Variants in AMMECR1L observed in about 807,000 individuals in gnomAD.
The protein encoded by AMMECR1L is AMMECR1-like protein.
Under a neutral mutation model 36.8 loss-of-function variants are expected in AMMECR1L, and 4 were observed. The observed-to-expected ratio is 0.11, with a 90% CI of 0.05 to 0.25. The LOEUF (loss-of-function observed/expected upper bound fraction) is 0.25. Among genes scored for constraint, AMMECR1L ranks in the 10% least tolerant of loss-of-function variants. AMMECR1L has a pLI of 1.00. For missense variants in AMMECR1L, 232 were observed against 392.1 expected (o/e 0.59, Z 3.45); for synonymous variants, 147 against 148.0 (o/e 0.99, Z 0.05).
chr2:127,877,774 G>T (rs1691317061), intron 2 of AMMECR1L, among the ~76,000 whole-genome samples: 1 of 152,150 alleles, frequency 6.6e-6, no homozygotes, highest in Non-Finnish European at 1.5e-5. Flanking sequence ...AATAAATTCT[G>T]GGCTGGGAGT....
In AMMECR1L at chr2:127,871,225, G is replaced by A. The variant is rs570202556; in HGVS notation, c.518+24C>T. ...TCTGATTCTAGCCAATTTATCTACAGTTCTTAATGTCTGGTGTCATTACCT... is the reference window on the plus strand; with the variant it reads ...TCTGATTCTAGCCAATTTATCTACAATTCTTAATGTCTGGTGTCATTACCT... On this transcript the variant is annotated intron_variant, in intron 4 of 7. Transcript: ENST00000272647. This position sits in a 1 kb window ranked among gnomAD's most constrained non-coding sequence, Gnocchi z 4.3. 6.2e-7 allele frequency: 1 copy of A among 1,606,414 alleles called. No individual in the cohort carries two copies. Among genetic ancestry groups the A allele is most frequent in the South Asian group, 1.1e-5 (1 of 90,934 alleles).
Position 127,861,949 on chromosome 2 carries a change from T to C in AMMECR1L, c.*3145A>G, listed in dbSNP as rs1690485887. On this transcript the variant is annotated 3_prime_UTR_variant, in exon 8 of 8. Coordinates refer to ENST00000272647, the MANE Select transcript of AMMECR1L (RefSeq NM_001199140.2). ...GGACTTCTTTTGTATAGATGATTTT[T>C]ATTATAAACAATAAAATATATGTAA... The C allele has an allele frequency of 6.5e-6, 1 of 152,680 alleles. No individual in the cohort carries two copies. 9.5% of individuals were successfully genotyped at this position (152,680 alleles called of 1,614,324 possible).
At chr2:127,875,155 A>ATT (rs34145290) in intron 2 of AMMECR1L, among the ~76,000 whole-genome samples, 11 of 150,470 alleles carry the variant, frequency 7.3e-5, no homozygotes, top group South Asian at 2.1e-4. Context: ...GAAGGAAGGG[A>ATT]TTTTTTTTTT....
chr2:127,872,605 G>T (rs1691035057), intron 3 of AMMECR1L, among the ~76,000 whole-genome samples: 1 of 152,086 alleles, frequency 6.6e-6, no homozygotes. Flanking sequence ...GTCCCATCTA[G>T]CCATCTTTTC....
chr2:127,873,584 T>G lies in AMMECR1L; in HGVS notation c.407+244A>C, dbSNP rs936876172. On this transcript the variant is annotated intron_variant, in intron 3 of 7. Transcript: ENST00000272647. This position sits in a 1 kb window ranked among gnomAD's most constrained non-coding sequence, Gnocchi z 5.2. ...ACAGAAGAGCCAAGAATGAACTCAC[T>G]TGATTTCCAGAACATTACTTTAACA... The G allele has an allele frequency of 5.1e-6, 5 of 985,456 alleles. No homozygotes were observed. Among genetic ancestry groups the G allele is most frequent in the Non-Finnish European group, 6.0e-6 (5 of 829,940 alleles). The allele number at this position is 985,456 out of a possible 1,614,324, so 61.0% of individuals were successfully genotyped here. A position where few individuals can be genotyped will look rare whatever the true frequency, so the allele number is the denominator to read the frequency against.
At chr2:127,885,313 G>A in intron 1 of AMMECR1L, 1 of 980,864 alleles carries the variant, frequency 1.0e-6, no homozygotes, top group Non-Finnish European at 1.2e-6. Flanking sequence ...TATGAGGAAA[G>A]AGGGTCCGGG....
rs922866989 is a variant in AMMECR1L at position 127,862,259 on chromosome 2, C to G, written c.*2835G>C. 6 of 153,732 alleles carry G rather than the reference C, an allele frequency of 3.9e-5. No individual in the cohort carries two copies. Among genetic ancestry groups the G allele is most frequent in the Non-Finnish European group, 8.8e-5 (6 of 68,038 alleles). 9.5% of individuals were successfully genotyped at this position (153,732 alleles called of 1,614,324 possible). A position where few individuals can be genotyped will look rare whatever the true frequency, so the allele number is the denominator to read the frequency against. On this transcript the variant is annotated 3_prime_UTR_variant, in exon 8 of 8. Coordinates refer to ENST00000272647, the MANE Select transcript of AMMECR1L (RefSeq NM_001199140.2). ...ACCAAGCCAGAGAAATTGGGCTGGT[C>G]CTTGAAAACAGTGGTTACCTACTGT... is the stretch of plus-strand genomic sequence containing the variant.
rs769193312 is a variant in AMMECR1L, at chr2:127,871,788, C to T, written c.408-429G>A. Among the ~76,000 whole-genome samples the T allele has an allele frequency of 6.6e-6, 1 of 152,178 alleles. No individual in the cohort carries two copies. The highest frequency in any genetic ancestry group is 1.5e-5 in the Non-Finnish European group (1 of 68,034). ...GCACAGCCCCGTTCATCTGCAAACC[C>T]ATGTTGCTTCCATGATCATGTCTGC... On this transcript the variant is annotated intron_variant, in intron 3 of 7. Coordinates refer to ENST00000272647, the MANE Select transcript of AMMECR1L (RefSeq NM_001199140.2). The surrounding 1 kb of genome is among the most constrained non-coding windows in gnomAD (Gnocchi z 4.3).
chr2:127,881,019 T>C (rs539411062), intron 2 of AMMECR1L, among the ~76,000 whole-genome samples: 1 of 152,182 alleles, frequency 6.6e-6, no homozygotes. Flanking sequence ...AGGTCAACTA[T>C]CACCTAAATT....
In AMMECR1L at chr2:127,865,847, G is replaced by T. The variant is rs980657262; in HGVS notation, c.822-642C>A. 6.6e-6 allele frequency among the ~76,000 whole-genome samples: 1 copy of T among 152,210 alleles called. No individual in the cohort carries two copies. The highest frequency in any genetic ancestry group is 1.5e-5 in the Non-Finnish European group (1 of 68,036). On this transcript the variant is annotated intron_variant, in intron 7 of 7. Transcript: ENST00000272647. The surrounding 1 kb of genome is among the most constrained non-coding windows in gnomAD (Gnocchi z 5.4). ...CATGAGTCAGGATGCGAAGCATGGG[G>T]TGTTACAAACCTATGGAGCCTACTA...
chr2:127,877,288 A>G (rs1371471937), intron 2 of AMMECR1L, among the ~76,000 whole-genome samples: 1 of 150,862 alleles, frequency 6.6e-6, no homozygotes, highest in Non-Finnish European at 1.5e-5. Flanking sequence ...TGCTACCATC[A>G]TTTTACATTT....
intron 2 of AMMECR1L, among the ~76,000 whole-genome samples, chr2:127,882,168 C>CT (rs1340460672): frequency 6.6e-6 from 1 of 152,146 alleles, no homozygotes; most frequent in East Asian, 1.9e-4. Flanking sequence ...GGGGAAAAAT[C>CT]TAGATTCACC....
intron 6 of AMMECR1L, among the ~76,000 whole-genome samples, chr2:127,868,976 G>C (rs1277572819): frequency 6.6e-6 from 1 of 152,084 alleles, no homozygotes; most frequent in Non-Finnish European, 1.5e-5. Flanking sequence ...GCCCACCTTG[G>C]CCTCCCAAAA....
intron 3 of AMMECR1L, among the ~76,000 whole-genome samples, chr2:127,872,192 GA>G (rs369158538): frequency 0.031 from 2,597 of 84,690 alleles, 59 homozygotes; most frequent in African/African-American, 0.09. Flanking sequence ...GTCTCAAAAA[GA>G]AAAAAAAAAA....
rs565651686 is a variant in AMMECR1L at position 127,865,228 on chromosome 2, G to A, written c.822-23C>T. ...TACCTGTATGAGGAAACAGGAAAGG[G>A]TATTAGGAACCCCAAACGCTTCATT... On this transcript the variant is annotated intron_variant, in intron 7 of 7. Coordinates refer to ENST00000272647, the MANE Select transcript of AMMECR1L (RefSeq NM_001199140.2). The surrounding 1 kb of genome is among the most constrained non-coding windows in gnomAD (Gnocchi z 5.4). The A allele has an allele frequency of 6.4e-7, 1 of 1,562,320 alleles. No individual in the cohort carries two copies. Among genetic ancestry groups the A allele is most frequent in the African/African-American group, 1.4e-5 (1 of 73,754 alleles).
At chr2:127,879,812 C>T (rs976358101) in intron 2 of AMMECR1L, among the ~76,000 whole-genome samples, 20 of 152,320 alleles carry the variant, frequency 1.3e-4, no homozygotes, top group African/African-American at 4.6e-4. Flanking sequence ...TTTGTGAGTA[C>T]TAGGTAAGGT....
Position 127,885,923 on chromosome 2 carries a change from T to C in AMMECR1L, c.-262A>G. ...TGGGGGCTCCCGAGAGAAGCTGGCC[T>C]GCGGGCGGGCCGGACGCGCTGCGCG... On this transcript the variant is annotated 5_prime_UTR_variant, in exon 1 of 8. Coordinates refer to ENST00000272647, the MANE Select transcript of AMMECR1L (RefSeq NM_001199140.2). 1 of 986,118 alleles carries C rather than the reference T, an allele frequency of 1.0e-6. No individual in the cohort carries two copies. Among genetic ancestry groups the C allele is most frequent in the South Asian group, 4.5e-5 (1 of 22,094 alleles). The allele number at this position is 986,118 out of a possible 1,614,324, so 61.1% of individuals were successfully genotyped here. A position where few individuals can be genotyped will look rare whatever the true frequency, so the allele number is the denominator to read the frequency against.
At chr2:127,878,367 G>C (rs1240208925) in intron 2 of AMMECR1L, among the ~76,000 whole-genome samples, 2 of 152,186 alleles carry the variant, frequency 1.3e-5, no homozygotes, top group Admixed American at 1.3e-4. Context: ...TGTTTTAATA[G>C]GGCTCTGAGG....
chr2:127,872,373 C>T (rs1019135707), intron 3 of AMMECR1L, among the ~76,000 whole-genome samples: 1 of 151,854 alleles, frequency 6.6e-6, no homozygotes, highest in Non-Finnish European at 1.5e-5. Flanking sequence ...AGCTGAGTTG[C>T]CATTTTCTGT....
Sources: allele counts gnomAD v4.1 joint callset (sites outside exome capture counted in the v4.1 genomes callset), GRCh38; gene constraint gnomAD v4.1.1; non-coding constraint Gnocchi (gnomAD v3.1); transcripts MANE v1.5; gene names NCBI Gene and HGNC (gene_info 2026-07-23, HGNC 2026-07-21).